The following DMRT1 variants were observed in gnomAD, a reference collection of about 807,000 sequenced individuals.
The protein encoded by DMRT1 is doublesex- and mab-3-related transcription factor 1.
In DMRT1, 7 loss-of-function variants were observed where a neutral mutation model predicts 32.3. That is an observed-to-expected ratio of 0.22 (90% CI 0.12 to 0.41). DMRT1 has a LOEUF of 0.41. Among genes scored for constraint, DMRT1 ranks in the 10% least tolerant of loss-of-function variants. DMRT1 has a pLI of 1.00. For missense variants in DMRT1, 625 were observed against 500.5 expected (o/e 1.25, Z -2.37); for synonymous variants, 278 against 206.1 (o/e 1.35, Z -2.99).
Position 900,628 on chromosome 9 carries a change from G to GA in DMRT1, c.822+6442dup, listed in dbSNP as rs200227666. Among the ~76,000 whole-genome samples the GA allele has an allele frequency of 5.2e-3, 746 of 143,370 alleles. 5 individuals carry two copies. Among genetic ancestry groups the GA allele is most frequent in the Admixed American group, 0.011 (161 of 14,426 alleles). 94.1% of individuals were successfully genotyped at this position (143,370 alleles called of 152,430 possible). A position where few individuals can be genotyped will look rare whatever the true frequency, so the allele number is the denominator to read the frequency against. On this transcript the variant is annotated intron_variant, in intron 3 of 4. Coordinates refer to ENST00000382276, the MANE Select transcript of DMRT1 (RefSeq NM_021951.3). ...TATGATTTTAAAATACTCTTAAATT[G>GA]AAAAAAAAACAACAAAGACATAATA...
At chr9:949,399 C>CCATACAGACAAT (rs1819357949) in intron 4 of DMRT1, among the ~76,000 whole-genome samples, 1 of 151,962 alleles carries the variant, frequency 6.6e-6, no homozygotes, top group Non-Finnish European at 1.5e-5. Flanking sequence ...CCACAAAAAA[C>CCATACAGACAAT]TTTTCTGAAG....
intron 2 of DMRT1, among the ~76,000 whole-genome samples, chr9:866,064 T>C (rs1815969498): frequency 6.9e-6 from 1 of 144,486 alleles, no homozygotes; most frequent in South Asian, 2.2e-4. Flanking sequence ...CTCAGGAGGC[T>C]GAGGCAGGAG....
intron 2 of DMRT1, among the ~76,000 whole-genome samples, chr9:891,064 G>A (rs1407964077): frequency 1.3e-5 from 2 of 151,974 alleles, no homozygotes; most frequent in African/African-American, 2.4e-5. Context: ...ACAAGGCCAG[G>A]TGTAGTGGCT....
chr9:845,797 G>C (rs1490925681), intron 1 of DMRT1, among the ~76,000 whole-genome samples: 2 of 152,042 alleles, frequency 1.3e-5, no homozygotes, highest in Admixed American at 6.6e-5. Context: ...TGCCCACCCT[G>C]TTCCATATTA....
At chr9:861,655 T>C (rs1283679845) in intron 2 of DMRT1, among the ~76,000 whole-genome samples, 5 of 148,388 alleles carry the variant, frequency 3.4e-5, no homozygotes, top group Admixed American at 3.3e-4. Context: ...GCAGAGGGGC[T>C]CCTCACTTCC....
chr9:926,389 T>C (rs942218183), intron 4 of DMRT1, among the ~76,000 whole-genome samples: 2 of 152,196 alleles, frequency 1.3e-5, no homozygotes, highest in Admixed American at 1.3e-4. Flanking sequence ...AGAAACACAA[T>C]CAGCTACTTT....
chr9:851,324 C>T (rs1174135128), intron 2 of DMRT1, among the ~76,000 whole-genome samples: 2 of 152,040 alleles, frequency 1.3e-5, no homozygotes, highest in Non-Finnish European at 1.5e-5. Flanking sequence ...CTGCAACCTC[C>T]ACCTCCCGGG....
intron 4 of DMRT1, among the ~76,000 whole-genome samples, chr9:927,866 T>A (rs537318336): frequency 6.6e-6 from 1 of 152,196 alleles, no homozygotes; most frequent in Non-Finnish European, 1.5e-5. Context: ...TCCTTTCCTA[T>A]GAAAACTTGG....
intron 1 of DMRT1, among the ~76,000 whole-genome samples, chr9:844,653 C>T (rs114969452): frequency 0.041 from 6,207 of 151,234 alleles, 392 homozygotes; most frequent in African/African-American, 0.14. Flanking sequence ...TAATCAGCTT[C>T]CTGTGTTTGG....
chr9:843,346 C>T lies in DMRT1; in HGVS notation c.354+1154C>T, dbSNP rs191201040. ...TGGGGCGCTTTTTGTCTTCGCCCTC[C>T]GTGGATGGAGGCTGAGCGCCTCAGC... is the stretch of plus-strand genomic sequence containing the variant. On this transcript the variant is annotated intron_variant, in intron 1 of 4. Transcript: ENST00000382276. Among the ~76,000 whole-genome samples the T allele has an allele frequency of 3.3e-3, 504 of 152,368 alleles. 4 individuals carry two copies. The Middle Eastern group carries it at 0.037, about 11-fold the overall frequency.
chr9:867,380 T>C (rs1816038088), intron 2 of DMRT1, among the ~76,000 whole-genome samples: 1 of 152,230 alleles, frequency 6.6e-6, no homozygotes, highest in Non-Finnish European at 1.5e-5. Context: ...CAGTGCTTTA[T>C]TCTGTGCCTC....
intron 2 of DMRT1, among the ~76,000 whole-genome samples, chr9:847,929 G>C (rs1230422595): frequency 6.6e-6 from 1 of 152,086 alleles, no homozygotes; most frequent in Non-Finnish European, 1.5e-5. Flanking sequence ...TACAGCTAAG[G>C]GCTATCATAC....
At chr9:877,567 C>T (rs2132622648) in intron 2 of DMRT1, among the ~76,000 whole-genome samples, 1 of 152,326 alleles carries the variant, frequency 6.6e-6, no homozygotes, top group South Asian at 2.1e-4. Flanking sequence ...GGAATCTGCA[C>T]ATCTCATTTC....
intron 2 of DMRT1, among the ~76,000 whole-genome samples, chr9:874,578 C>G (rs554957522): frequency 6.6e-6 from 1 of 152,126 alleles, no homozygotes; most frequent in African/African-American, 2.4e-5. Context: ...ACTCCCTGCT[C>G]CTAGTTAGAA....
chr9:905,465 C>T (rs1301538130), intron 3 of DMRT1, among the ~76,000 whole-genome samples: 1 of 117,264 alleles, frequency 8.5e-6, no homozygotes, highest in Non-Finnish European at 1.8e-5. Flanking sequence ...TCTCCTCACT[C>T]CCTTGCCCCT....
Position 923,858 on chromosome 9 carries a change from T to TA in DMRT1, c.967+6952dup, listed in dbSNP as rs1586623640. 2.6e-5 allele frequency among the ~76,000 whole-genome samples: 4 copies of TA among 152,222 alleles called. No individual in the cohort carries two copies. The East Asian group carries it at 7.7e-4, about 29-fold the overall frequency. On this transcript the variant is annotated intron_variant, in intron 4 of 4. Transcript: ENST00000382276. Reference sequence around the variant, plus strand: ...ACTTGACATTTTAGAAACGACTTATTATTTGCTAAATTTCAAAGAAAAGAG... The same window carrying TA: ...ACTTGACATTTTAGAAACGACTTATTAATTTGCTAAATTTCAAAGAAAAGAG...
chr9:892,601 G>A (rs1586577012), intron 2 of DMRT1, among the ~76,000 whole-genome samples: 1 of 152,184 alleles, frequency 6.6e-6, no homozygotes, highest in Non-Finnish European at 1.5e-5. Flanking sequence ...AACTCACTTT[G>A]GTGGTTCCCT....
intron 4 of DMRT1, among the ~76,000 whole-genome samples, chr9:928,696 T>G (rs1001904658): frequency 6.6e-6 from 1 of 152,168 alleles, no homozygotes; most frequent in Non-Finnish European, 1.5e-5. Context: ...TACAATCACT[T>G]TATTAAGATT....
intron 2 of DMRT1, among the ~76,000 whole-genome samples, chr9:856,773 T>A (rs2132565450): frequency 6.6e-6 from 1 of 152,322 alleles, no homozygotes; most frequent in South Asian, 2.1e-4. Flanking sequence ...GTTACTGAGT[T>A]TTATGTTAAC....
Sources: gnomAD v4.1 joint callset for allele counts (sites outside exome capture counted in the v4.1 genomes callset) on GRCh38, gnomAD v4.1.1 for gene constraint, MANE v1.5 for transcripts, NCBI Gene and HGNC (gene_info 2026-07-23, HGNC 2026-07-21) for gene names.